Variants in KCNH7 observed in about 807,000 individuals in gnomAD.
KCNH7 encodes potassium voltage-gated channel subfamily H member 7.
In KCNH7, 49 loss-of-function variants were observed where a neutral mutation model predicts 120.8. The ratio of observed to expected loss-of-function variants is 0.41; its 90% CI spans 0.32 to 0.51. KCNH7 has a LOEUF of 0.51. KCNH7 is among the 20% of genes least tolerant of loss of function. KCNH7 has a pLI of 0.38. For synonymous variants in KCNH7, 547 were observed against 516.1 expected, an observed-to-expected ratio of 1.06 and a Z score of -0.81; for missense variants, 1,097 against 1,446.6, an observed-to-expected ratio of 0.76 and a Z score of 3.92.
intron 6 of KCNH7, among the ~76,000 whole-genome samples, chr2:162,450,931 C>T (rs1688746974): frequency 6.6e-6 from 1 of 151,970 alleles, no homozygotes; most frequent in African/African-American, 2.4e-5. Flanking sequence ...AGAATAGATA[C>T]ATCTCAGGGT....
intron 2 of KCNH7, among the ~76,000 whole-genome samples, chr2:162,626,645 G>T (rs1313032932): frequency 6.6e-6 from 1 of 152,144 alleles, no homozygotes; most frequent in South Asian, 2.1e-4. Flanking sequence ...TTGTAGGCTA[G>T]CAGCATTGGC....
At chr2:162,586,329 C>G (rs183125202) in intron 2 of KCNH7, among the ~76,000 whole-genome samples, 113 of 152,114 alleles carry the variant, frequency 7.4e-4, no homozygotes, top group Admixed American at 3.7e-3. Context: ...CCCTTTGGAA[C>G]GTTGAGAGCA....
chr2:162,745,317 G>A (rs1688278485), intron 2 of KCNH7, among the ~76,000 whole-genome samples: 1 of 151,808 alleles, frequency 6.6e-6, no homozygotes, highest in South Asian at 2.1e-4. Context: ...ACCTCTACTC[G>A]TTTACTGCAT....
In KCNH7 at chr2:162,674,297, G is replaced by A. The variant is rs371382002; in HGVS notation, c.308-137217C>T. ...AATTAAGTATAATCTAATAAGAGAC[G>A]TGTGAAACCTTTACGGGAAAAGATT... On this transcript the variant is annotated intron_variant, in intron 2 of 15. Coordinates refer to ENST00000332142, the MANE Select transcript of KCNH7 (RefSeq NM_033272.4). Among the ~76,000 whole-genome samples, 27 of 151,806 alleles carry A rather than the reference G, an allele frequency of 1.8e-4. 1 individual carries two copies. The highest frequency in any genetic ancestry group is 7.9e-4 in the Admixed American group (12 of 15,192).
chr2:162,709,321 A>G (rs983998099), intron 2 of KCNH7, among the ~76,000 whole-genome samples: 3 of 152,102 alleles, frequency 2.0e-5, no homozygotes, highest in African/African-American at 7.2e-5. Flanking sequence ...CAATAATGTG[A>G]CAGTGAAGTG....
rs538182332 is a variant in KCNH7, at chr2:162,633,973, A to T, written c.308-96893T>A. 2.6e-5 allele frequency among the ~76,000 whole-genome samples: 4 copies of T among 152,048 alleles called. No individual in the cohort carries two copies. In the South Asian group the frequency reaches 6.2e-4, roughly 24 times the overall value. On this transcript the variant is annotated intron_variant, in intron 2 of 15. Coordinates refer to ENST00000332142, the MANE Select transcript of KCNH7 (RefSeq NM_033272.4). ...TTGAATAACTTATATAAGTTTGACA[A>T]TTTTCTTTACATAGATCCTTACCAT...
intron 2 of KCNH7, among the ~76,000 whole-genome samples, chr2:162,760,245 G>C (rs918499999): frequency 2.0e-5 from 3 of 152,026 alleles, no homozygotes. Context: ...TCTAAAAAAA[G>C]TCTCAAGTAG....
At chr2:162,816,205 C>T (rs753276815) in intron 2 of KCNH7, among the ~76,000 whole-genome samples, 6 of 136,444 alleles carry the variant, frequency 4.4e-5, no homozygotes, top group East Asian at 2.2e-4. Flanking sequence ...TGAGGTGAGC[C>T]GAGATCGTGC....
intron 2 of KCNH7, among the ~76,000 whole-genome samples, chr2:162,599,314 T>C (rs1694476554): frequency 6.6e-6 from 1 of 152,018 alleles, no homozygotes; most frequent in South Asian, 2.1e-4. Flanking sequence ...GAATTTAAAC[T>C]CCACATAAGT....
intron 2 of KCNH7, among the ~76,000 whole-genome samples, chr2:162,775,052 A>C (rs1683184683): frequency 6.6e-6 from 1 of 152,138 alleles, no homozygotes; most frequent in Non-Finnish European, 1.5e-5. Flanking sequence ...AATTTTTTTG[A>C]ATATAATTTT....
intron 2 of KCNH7, among the ~76,000 whole-genome samples, chr2:162,831,949 C>T (rs938705448): frequency 2.6e-5 from 4 of 152,124 alleles, no homozygotes; most frequent in Admixed American, 1.3e-4. Context: ...TAGGACAATA[C>T]TGAAATAGTT....
Position 162,517,950 on chromosome 2 carries a change from T to C in KCNH7, c.672A>G (p.Lys224=). The C allele has an allele frequency of 6.2e-7, 1 of 1,612,258 alleles. No individual in the cohort carries two copies. The highest frequency in any genetic ancestry group is 8.5e-7 in the Non-Finnish European group (1 of 1,178,784). ...DDTKALIQPS[K]CSPLVNISGP... is the part of the protein sequence containing the mutation. ...CGGATATATTCACCAAGGGAGAACA[T>C]TTGCTGGGCTGTATCAAAGCTTTTG... The change falls in exon 4 of 16, where the codon AAA becomes AAG. Residue 224 remains lysine, a synonymous_variant. Coordinates refer to ENST00000332142, the MANE Select transcript of KCNH7 (RefSeq NM_033272.4).
intron 8 of KCNH7, among the ~76,000 whole-genome samples, chr2:162,428,349 C>A (rs1007042637): frequency 2.0e-5 from 3 of 150,786 alleles, no homozygotes; most frequent in African/African-American, 7.4e-5. Context: ...CCTCCTTCTC[C>A]CCTTCTTTCT....
At chr2:162,447,865 A>C (rs1359105153) in intron 6 of KCNH7, among the ~76,000 whole-genome samples, 1 of 152,110 alleles carries the variant, frequency 6.6e-6, no homozygotes, top group Non-Finnish European at 1.5e-5. Context: ...ATGAGACACA[A>C]TATAACTTTT....
At chr2:162,466,162 A>G (rs1258312507) in intron 6 of KCNH7, among the ~76,000 whole-genome samples, 1 of 152,222 alleles carries the variant, frequency 6.6e-6, no homozygotes, top group Non-Finnish European at 1.5e-5. Flanking sequence ...GAGTCTAAAA[A>G]TGGCACAAGA....
chr2:162,657,857 A>G (rs1684819274), intron 2 of KCNH7, among the ~76,000 whole-genome samples: 1 of 146,092 alleles, frequency 6.8e-6, no homozygotes. Flanking sequence ...GGCAAACTAT[A>G]AAACTCATAG....
chr2:162,623,785 A>C (rs1683448457), intron 2 of KCNH7, among the ~76,000 whole-genome samples: 1 of 152,212 alleles, frequency 6.6e-6, no homozygotes, highest in African/African-American at 2.4e-5. Context: ...CGCCTGGTAC[A>C]CATGATATAT....
chr2:162,396,797 A>G lies in KCNH7; in HGVS notation c.2556T>C (p.Ser852=), dbSNP rs755418845. 9 of 1,611,774 alleles carry G rather than the reference A, an allele frequency of 5.6e-6. No homozygotes were observed. The highest frequency in any genetic ancestry group is 1.1e-5 in the South Asian group (1 of 91,038). Residue 852 remains serine (S), a synonymous_variant, in exon 11 of 16, where the codon TCT becomes TCC. Coordinates refer to ENST00000332142, the MANE Select transcript of KCNH7 (RefSeq NM_033272.4). ...LEVLDMYPEF[S]DHFLTNLELT... ...ACTCTAGGTTTGTTAGAAAGTGATCAGAAAACTCAGGATACATATCCAAAA... is the reference window on the plus strand; with the variant it reads ...ACTCTAGGTTTGTTAGAAAGTGATCGGAAAACTCAGGATACATATCCAAAA...
At chr2:162,785,729 G>A (rs1683676558) in intron 2 of KCNH7, among the ~76,000 whole-genome samples, 1 of 151,900 alleles carries the variant, frequency 6.6e-6, no homozygotes, top group Non-Finnish European at 1.5e-5. Context: ...TTGCAGTTGG[G>A]GTGCATTTTT....
Sources: allele counts gnomAD v4.1 joint callset (sites outside exome capture counted in the v4.1 genomes callset), GRCh38; gene constraint gnomAD v4.1.1; transcripts MANE v1.5; gene names NCBI Gene and HGNC (gene_info 2026-07-23, HGNC 2026-07-21).